The following VRK1 variants were observed in gnomAD, a reference collection of about 807,000 sequenced individuals.
VRK1 encodes the protein VRK serine/threonine kinase 1, also known as serine/threonine-protein kinase VRK1.
Under a neutral mutation model 57.1 loss-of-function variants are expected in VRK1, and 33 were observed. The observed-to-expected ratio is 0.58, with a 90% CI of 0.44 to 0.77. The LOEUF (loss-of-function observed/expected upper bound fraction) is 0.77. Among genes scored for constraint, VRK1 ranks in the 30% least tolerant of loss-of-function variants. VRK1 has a pLI of 0.00. For missense variants in VRK1, 413 were observed against 477.3 expected (o/e 0.87, Z 1.25); for synonymous variants, 137 against 147.8 (o/e 0.93, Z 0.53).
At chr14:96,853,551 T>A (rs1307189680) in intron 7 of VRK1, among the ~76,000 whole-genome samples, 1 of 152,116 alleles carries the variant, frequency 6.6e-6, no homozygotes, top group Non-Finnish European at 1.5e-5. Flanking sequence ...CTTGGAAAAT[T>A]TGGTCTTTAA....
At chr14:96,865,796 G>A (rs1347046813) in intron 11 of VRK1, among the ~76,000 whole-genome samples, 1 of 151,016 alleles carries the variant, frequency 6.6e-6, no homozygotes, top group African/African-American at 2.4e-5. Flanking sequence ...ATTATACAAA[G>A]TCTTTCCTTT....
intron 3 of VRK1, among the ~76,000 whole-genome samples, chr14:96,845,396 C>G (rs977185376): frequency 1.3e-5 from 2 of 152,128 alleles, no homozygotes; most frequent in Non-Finnish European, 1.5e-5. Flanking sequence ...TGTGCAAATA[C>G]GTTTTTGTGA....
At chr14:96,842,130 C>T (rs1887487574) in intron 3 of VRK1, among the ~76,000 whole-genome samples, 1 of 152,104 alleles carries the variant, frequency 6.6e-6, no homozygotes, top group African/African-American at 2.4e-5. Context: ...TCTTTAGAAG[C>T]TTATTTCATT....
intron 10 of VRK1, among the ~76,000 whole-genome samples, chr14:96,857,360 T>C (rs1227935558): frequency 6.6e-6 from 1 of 151,712 alleles, no homozygotes; most frequent in African/African-American, 2.4e-5. Flanking sequence ...ATTTGAGCAG[T>C]TGTAGGAAGG....
chr14:96,855,379 A>C (rs775621039), intron 8 of VRK1, 23 bp downstream of exon 8: 1 of 1,613,806 alleles, frequency 6.2e-7, no homozygotes, highest in Non-Finnish European at 8.5e-7. Context: ...TACTGGAGTG[A>C]GAAATAGACT....
chr14:96,861,260 TTAAA>T (rs1420357614), intron 11 of VRK1, among the ~76,000 whole-genome samples: 1 of 152,196 alleles, frequency 6.6e-6, no homozygotes, highest in Non-Finnish European at 1.5e-5. Flanking sequence ...GAGAGAAATG[TTAAA>T]TAATGAACTT....
At chr14:96,834,339 T>C (rs894725527) in intron 2 of VRK1, among the ~76,000 whole-genome samples, 5 of 152,236 alleles carry the variant, frequency 3.3e-5, no homozygotes, top group Admixed American at 3.3e-4. Context: ...CATGGAGGTT[T>C]ATAAAATTTT....
At chr14:96,857,450 C>G (rs149369511) in intron 10 of VRK1, among the ~76,000 whole-genome samples, 1 of 152,124 alleles carries the variant, frequency 6.6e-6, no homozygotes, top group Non-Finnish European at 1.5e-5. Context: ...CCAGGAGATG[C>G]GAGGACTGTG....
At chr14:96,805,288 C>T (rs770365794) in intron 1 of VRK1, among the ~76,000 whole-genome samples, 109 of 152,032 alleles carry the variant, frequency 7.2e-4, no homozygotes, top group Non-Finnish European at 1.2e-3. Context: ...GAAGAATTTC[C>T]GGACAGTAAA....
intron 1 of VRK1, among the ~76,000 whole-genome samples, chr14:96,816,764 A>C (rs1025586351): frequency 3.3e-5 from 5 of 150,182 alleles, no homozygotes; most frequent in Admixed American, 3.3e-4. Flanking sequence ...TACAGGACAA[A>C]TGACAAGAAG....
At chr14:96,829,805 T>C (rs1886938178) in intron 1 of VRK1, among the ~76,000 whole-genome samples, 1 of 152,176 alleles carries the variant, frequency 6.6e-6, no homozygotes, top group South Asian at 2.1e-4. Flanking sequence ...TTTCTCTCTT[T>C]TATAACCCTT....
At chr14:96,846,428 T>A (rs186180977) in intron 4 of VRK1, among the ~76,000 whole-genome samples, 70 of 152,286 alleles carry the variant, frequency 4.6e-4, no homozygotes, top group African/African-American at 1.5e-3. Flanking sequence ...TTGAGAATTA[T>A]TGATGAAATA....
intron 11 of VRK1, among the ~76,000 whole-genome samples, chr14:96,863,520 T>C (rs556221616): frequency 6.6e-6 from 1 of 152,218 alleles, no homozygotes; most frequent in South Asian, 2.1e-4. Context: ...TATTTTAGGG[T>C]TTTAAGTTGC....
chr14:96,838,740 C>T (rs931274635), intron 3 of VRK1, among the ~76,000 whole-genome samples: 1 of 152,144 alleles, frequency 6.6e-6, no homozygotes, highest in African/African-American at 2.4e-5. Context: ...GGGACACAGC[C>T]AAACCATATC....
chr14:96,798,204 C>T (rs919176851), intron 1 of VRK1, among the ~76,000 whole-genome samples: 2 of 152,200 alleles, frequency 1.3e-5, no homozygotes, highest in Admixed American at 6.5e-5. Context: ...ACAGTTCCTC[C>T]TCATTCTGTC....
intron 1 of VRK1, among the ~76,000 whole-genome samples, chr14:96,830,367 G>C (rs1385153392): frequency 6.6e-6 from 1 of 151,420 alleles, no homozygotes; most frequent in African/African-American, 2.4e-5. Context: ...ACATTTTTTG[G>C]TCCTTTTTGA....
At chr14:96,806,909 C>T (rs1885903539) in intron 1 of VRK1, among the ~76,000 whole-genome samples, 1 of 151,678 alleles carries the variant, frequency 6.6e-6, no homozygotes, top group Non-Finnish European at 1.5e-5. Context: ...TCACTGCCAC[C>T]TTGATTTCCT....
intron 12 of VRK1, among the ~76,000 whole-genome samples, chr14:96,879,251 T>G (rs1219109842): frequency 6.6e-6 from 1 of 152,150 alleles, no homozygotes; most frequent in Non-Finnish European, 1.5e-5. Flanking sequence ...TAGTTTTTTT[T>G]GTAACAATCA....
intron 1 of VRK1, among the ~76,000 whole-genome samples, chr14:96,826,100 A>G (rs1054857325): frequency 6.6e-6 from 1 of 152,236 alleles, no homozygotes; most frequent in African/African-American, 2.4e-5. Flanking sequence ...CCAGTTGTCT[A>G]AATACAGTAC....
Sources: allele counts gnomAD v4.1 joint callset (sites outside exome capture counted in the v4.1 genomes callset), GRCh38; gene constraint gnomAD v4.1.1; transcripts MANE v1.5; gene names NCBI Gene and HGNC (gene_info 2026-07-23, HGNC 2026-07-21).